Variants in GINS1 observed in about 807,000 individuals in gnomAD.
The protein encoded by GINS1 is GINS complex subunit 1, also known as DNA replication complex GINS protein PSF1.
In GINS1, 26 loss-of-function variants were observed where a neutral mutation model predicts 34.9. That is an observed-to-expected ratio of 0.74 (90% CI 0.55 to 1.03). GINS1 has a LOEUF of 1.03. Among genes scored for constraint, GINS1 ranks in the 50% least tolerant of loss-of-function variants. The pLI, the probability that GINS1 is intolerant of heterozygous loss-of-function variation, is 0.00. For missense variants in GINS1, 235 were observed against 237.9 expected (o/e 0.99, Z 0.08); for synonymous variants, 97 against 84.4 (o/e 1.15, Z -0.82).
Position 25,445,945 on chromosome 20 carries a change from G to A in GINS1, c.545G>A (p.Cys182Tyr). 6.2e-7 allele frequency: 1 copy of A among 1,610,870 alleles called. No individual in the cohort carries two copies. Among genetic ancestry groups the A allele is most frequent in the Non-Finnish European group, 8.5e-7 (1 of 1,177,320 alleles). ...NSQHFLPRWKCEQLIRQGVLE... is the reference protein window; with the variant it reads ...NSQHFLPRWKYEQLIRQGVLE... Reference sequence around the variant, plus strand: ...CAGCACTTTTTACCTCGATGGAAATGTGAGCAGCTGATCAGACAAGGAGTC... The same window carrying A: ...CAGCACTTTTTACCTCGATGGAAATATGAGCAGCTGATCAGACAAGGAGTC... Residue 182 changes from cysteine to tyrosine, a missense_variant, in exon 7 of 7, where the codon TGT becomes TAT. Cys to Tyr is a radical substitution (Grantham distance 194). Transcript: ENST00000262460.
At chr20:25,425,408 T>C in intron 5 of GINS1, 81 bp downstream of exon 5, 1 of 640,258 alleles carries the variant, frequency 1.6e-6, no homozygotes, top group Non-Finnish European at 2.8e-6. Context: ...TATATGAATA[T>C]GTGTTAGCTT....
intron 4 of GINS1, among the ~76,000 whole-genome samples, chr20:25,422,412 A>G (rs2090360943): frequency 6.7e-6 from 1 of 149,686 alleles, no homozygotes; most frequent in Admixed American, 6.6e-5. Context: ...TATCTCTACC[A>G]AAAAAAGAAA....
chr20:25,412,533 C>A (rs903184941), intron 1 of GINS1, among the ~76,000 whole-genome samples: 1 of 151,916 alleles, frequency 6.6e-6, no homozygotes, highest in Non-Finnish European at 1.5e-5. Flanking sequence ...CCAGCCCAGG[C>A]GACAGTGTGA....
intron 5 of GINS1, among the ~76,000 whole-genome samples, chr20:25,429,905 AG>A (rs1339395263): frequency 1.1e-4 from 17 of 152,278 alleles, no homozygotes; most frequent in East Asian, 9.6e-4. Context: ...TTAGAGGAAA[AG>A]CTTTCAGTCT....
Position 25,425,243 on chromosome 20 carries a change from T to C in GINS1, c.363T>C (p.Leu121=), listed in dbSNP as rs760591679. The C allele has an allele frequency of 6.5e-7, 1 of 1,541,392 alleles. No homozygotes were observed. The highest frequency in any genetic ancestry group is 9.0e-7 in the Non-Finnish European group (1 of 1,114,378). ...GGTTTAATAATTATAAAAGATCTCT[T>C]GCTACTTATATGAGGTCACTGGGAG... ...MEWFNNYKRS[L]ATYMRSLGGD... The change falls in exon 5 of 7, where the codon CTT becomes CTC. Residue 121 remains leucine (L), a synonymous_variant. Coordinates refer to ENST00000262460, the MANE Select transcript of GINS1 (RefSeq NM_021067.5).
chr20:25,412,534 G>A (rs1036588352), intron 1 of GINS1, among the ~76,000 whole-genome samples: 3 of 152,006 alleles, frequency 2.0e-5, no homozygotes, highest in African/African-American at 7.2e-5. Context: ...CAGCCCAGGC[G>A]ACAGTGTGAG....
At chr20:25,439,889 G>T (rs1568810052) in intron 5 of GINS1, among the ~76,000 whole-genome samples, 1 of 151,632 alleles carries the variant, frequency 6.6e-6, no homozygotes, top group Non-Finnish European at 1.5e-5. Context: ...CAGCTACTAG[G>T]GAGGCTGAGG....
chr20:25,448,010 A>C lies in GINS1; in HGVS notation c.*2019A>C, dbSNP rs1246123064. 6.6e-6 allele frequency: 1 copy of C among 152,414 alleles called. No homozygotes were observed. The highest frequency in any genetic ancestry group is 1.5e-5 in the Non-Finnish European group (1 of 68,228). The allele number at this position is 152,414 out of a possible 1,614,324, so 9.4% of individuals were successfully genotyped here. ...GCCAGGTGTGGTGGTGCATGCCTGT[A>C]GTCACAGTTACACGGCAGGCTGAGG... is the stretch of plus-strand genomic sequence containing the variant. On this transcript the variant is annotated 3_prime_UTR_variant, in exon 7 of 7. Coordinates refer to ENST00000262460, the MANE Select transcript of GINS1 (RefSeq NM_021067.5).
chr20:25,415,574 A>G (rs1277356189), intron 2 of GINS1, among the ~76,000 whole-genome samples: 1 of 150,780 alleles, frequency 6.6e-6, no homozygotes, highest in Non-Finnish European at 1.5e-5. Flanking sequence ...AATCCCAGCT[A>G]CTCCGGAGGT....
At chr20:25,433,253 G>T (rs1234733788) in intron 5 of GINS1, among the ~76,000 whole-genome samples, 1 of 151,984 alleles carries the variant, frequency 6.6e-6, no homozygotes, top group South Asian at 2.1e-4. Flanking sequence ...GCAATGGACT[G>T]GGGAATAATA....
intron 1 of GINS1, among the ~76,000 whole-genome samples, chr20:25,409,995 TTTAAG>T (rs1343512209): frequency 6.6e-6 from 1 of 152,160 alleles, no homozygotes; most frequent in African/African-American, 2.4e-5. Flanking sequence ...TTACTCAAAT[TTTAAG>T]TTAAGTGTTG....
intron 5 of GINS1, among the ~76,000 whole-genome samples, chr20:25,435,782 AAAAAAAC>A (rs2090451372): frequency 8.2e-6 from 1 of 122,276 alleles, no homozygotes; most frequent in Non-Finnish European, 1.6e-5. Flanking sequence ...AAAAAAAAAA[AAAAAAAC>A]CAACTTTTTG....
chr20:25,413,378 A>G (rs549809440), intron 1 of GINS1: 45 of 156,916 alleles, frequency 2.9e-4, no homozygotes, highest in Middle Eastern at 3.2e-3. Flanking sequence ...GATTTTTCAG[A>G]TAAGTGGAAG....
At chr20:25,432,012 A>G (rs1009452822) in intron 5 of GINS1, among the ~76,000 whole-genome samples, 5 of 151,914 alleles carry the variant, frequency 3.3e-5, no homozygotes, top group African/African-American at 1.2e-4. Context: ...ACCTGGGACT[A>G]CAGGCATGTG....
chr20:25,410,716 C>T (rs892849069), intron 1 of GINS1, among the ~76,000 whole-genome samples: 10 of 152,062 alleles, frequency 6.6e-5, no homozygotes, highest in African/African-American at 1.4e-4. Context: ...CGCCTGCCAC[C>T]ATGCCCAGAT....
rs1365775586 is a variant in GINS1 at position 25,448,281 on chromosome 20, GGTCT to G, written c.*2295_*2298del. The stretch of plus-strand genomic sequence containing the variant: ...ATTGAGTCTTCTGGCCTATAAACAA[GGTCT>G]GTCTTCCTAGGTATTAATGTTTTGT... On this transcript the variant is annotated 3_prime_UTR_variant, in exon 7 of 7. Coordinates refer to ENST00000262460, the MANE Select transcript of GINS1 (RefSeq NM_021067.5). 2.0e-5 allele frequency: 3 copies of G among 152,098 alleles called. No homozygotes were observed. Among genetic ancestry groups the G allele is most frequent in the Admixed American group, 6.6e-5 (1 of 15,258 alleles). 9.4% of individuals were successfully genotyped at this position (152,098 alleles called of 1,614,324 possible). A position where few individuals can be genotyped will look rare whatever the true frequency, so the allele number is the denominator to read the frequency against.
rs77113924 is a variant in GINS1, at chr20:25,428,969, CTTTTTTTTTTTTTTTTTTTTTTT to C, written c.447+3657_447+3679del. Reference sequence around the variant, plus strand: ...GGGTCCTCCACCTTCATTCCTCTCTCTTTTTTTTTTTTTTTTTTTTTTTTTTTTTTTTTTTTTGAAACGAAGTC... The same window carrying C: ...GGGTCCTCCACCTTCATTCCTCTCTCTTTTTTTTTTTTTTGAAACGAAGTC... On this transcript the variant is annotated intron_variant, in intron 5 of 6. Coordinates refer to ENST00000262460, the MANE Select transcript of GINS1 (RefSeq NM_021067.5). Among the ~76,000 whole-genome samples the C allele has an allele frequency of 1.5e-3, 192 of 127,518 alleles. 3 individuals carry two copies. Among genetic ancestry groups the C allele is most frequent in the African/African-American group, 5.1e-3 (176 of 34,624 alleles). The allele number at this position is 127,518 out of a possible 152,430, so 83.7% of individuals were successfully genotyped here. A position where few individuals can be genotyped will look rare whatever the true frequency, so the allele number is the denominator to read the frequency against.
intron 4 of GINS1, among the ~76,000 whole-genome samples, chr20:25,422,044 A>G (rs1477394458): frequency 6.6e-6 from 1 of 151,994 alleles, no homozygotes; most frequent in Non-Finnish European, 1.5e-5. Flanking sequence ...ATCTTTTAAA[A>G]TCACTTAATT....
intron 5 of GINS1, among the ~76,000 whole-genome samples, chr20:25,439,260 C>A (rs188688652): frequency 2.0e-5 from 3 of 152,274 alleles, no homozygotes; most frequent in Non-Finnish European, 4.4e-5. Context: ...TACATAACAC[C>A]ATTTGCCACA....
Sources: allele counts gnomAD v4.1 joint callset (sites outside exome capture counted in the v4.1 genomes callset), GRCh38; gene constraint gnomAD v4.1.1; transcripts MANE v1.5; gene names NCBI Gene and HGNC (gene_info 2026-07-23, HGNC 2026-07-21).